The following POLG variants were observed in gnomAD, a reference collection of about 807,000 sequenced individuals.
The protein encoded by POLG is DNA polymerase gamma, catalytic subunit.
In POLG, 110 loss-of-function variants were observed where a neutral mutation model predicts 155.4. That is an observed-to-expected ratio of 0.71 (90% CI 0.61 to 0.83). POLG has a LOEUF of 0.83. POLG is among the 40% of genes least tolerant of loss of function. POLG has a pLI of 0.00. For synonymous variants in POLG, 701 were observed against 631.5 expected, an observed-to-expected ratio of 1.11 and a Z score of -1.65; for missense variants, 1,685 against 1,627.5, an observed-to-expected ratio of 1.04 and a Z score of -0.61.
At chr15:89,333,979 C>T in intron 1 of POLG, 66 bp from the exon 2 acceptor site, 1 of 595,718 alleles carries the variant, frequency 1.7e-6, no homozygotes, top group Non-Finnish European at 3.0e-6. Context: ...CCATAATCAT[C>T]ATTCCTTGAG....
chr15:89,317,613 A>C, intron 21 of POLG, 77 bp from the exon 22 acceptor site: 2 of 1,418,964 alleles, frequency 1.4e-6, no homozygotes, highest in Non-Finnish European at 2.0e-6. Context: ...CAATGACCCC[A>C]CACCCCTTAG....
Position 89,333,630 on chromosome 15 carries a change from C to CT in POLG, c.124_125insA (p.Arg42GlnfsTer202). On this transcript the variant is annotated frameshift_variant, in exon 2 of 23. Coordinates refer to ENST00000268124, the MANE Select transcript of POLG (RefSeq NM_002693.3). LOFTEE classifies it high-confidence loss of function. ...CTGCTGCTGCTGCTGCTGCTGCTGC[C>CT]GCCGCCGCTGCCCGTCGCTGGGGTC... The CT allele has an allele frequency of 7.0e-7, 1 of 1,423,728 alleles. No individual in the cohort carries two copies. The highest frequency in any genetic ancestry group is 1.2e-5 in the South Asian group (1 of 84,748). 88.2% of individuals were successfully genotyped at this position (1,423,728 alleles called of 1,614,324 possible). A position where few individuals can be genotyped will look rare whatever the true frequency, so the allele number is the denominator to read the frequency against.
intron 18 of POLG, 48 bp from the exon 19 acceptor site, chr15:89,319,398 C>G (rs2055361145): frequency 6.2e-7 from 1 of 1,608,968 alleles, no homozygotes; most frequent in Admixed American, 1.7e-5. Context: ...CTTCCTGTGC[C>G]ACGCTAGTGC....
rs1375424186 is a variant in POLG, at chr15:89,322,039, C to T, written c.2427-24G>A. The T allele has an allele frequency of 1.9e-6, 3 of 1,612,130 alleles. No individual in the cohort carries two copies. In the African/African-American group the frequency reaches 4.0e-5, roughly 22 times the overall value. On this transcript the variant is annotated intron_variant, in intron 14 of 22. Transcript: ENST00000268124. Reference sequence around the variant, plus strand: ...AGCTGTGGGGACAGACAACGTGAGGCTCAGCACAGCCATGGGAAGCAGAAT... The same window carrying T: ...AGCTGTGGGGACAGACAACGTGAGGTTCAGCACAGCCATGGGAAGCAGAAT...
At chr15:89,322,160 G>T in intron 14 of POLG, 145 bp from the exon 15 acceptor site, 1 of 805,392 alleles carries the variant, frequency 1.2e-6, no homozygotes, top group Non-Finnish European at 2.2e-6. Flanking sequence ...GTGAGCCCTG[G>T]CTCAGCCAAG....
intron 10 of POLG, among the ~76,000 whole-genome samples, 185 bp downstream of exon 10, chr15:89,325,265 A>G (rs1395221898): frequency 7.8e-5 from 9 of 114,826 alleles, no homozygotes; most frequent in Non-Finnish European, 1.4e-4. Flanking sequence ...AGAGTGAGTG[A>G]GTGAGTGAGA....
intron 2 of POLG, among the ~76,000 whole-genome samples, chr15:89,332,712 A>G (rs1198220247): frequency 1.3e-5 from 2 of 152,124 alleles, no homozygotes; most frequent in East Asian, 3.9e-4. Flanking sequence ...CTACCGCCCA[A>G]AATAATTAAT....
intron 21 of POLG, 55 bp downstream of exon 21, chr15:89,318,486 C>A: frequency 6.7e-7 from 1 of 1,500,218 alleles, no homozygotes; most frequent in South Asian, 1.1e-5. Flanking sequence ...GAACGCTCAC[C>A]CAAAGCCCCA....
At chr15:89,319,198 C>T (rs370295383) in intron 19 of POLG, 30 bp downstream of exon 19, 2 of 1,614,092 alleles carry the variant, frequency 1.2e-6, no homozygotes, top group Non-Finnish European at 1.7e-6. Context: ...AGACCCCTCC[C>T]TCCATCCTTA....
intron 21 of POLG, 78 bp from the exon 22 acceptor site, chr15:89,317,614 C>T (rs936951904): frequency 7.1e-7 from 1 of 1,406,954 alleles, no homozygotes. Flanking sequence ...AATGACCCCA[C>T]ACCCCTTAGA....
Position 89,321,253 on chromosome 15 carries a change from C to T in POLG, c.2606G>A (p.Arg869Gln), listed in dbSNP as rs1356604153. The change falls in exon 17 of 23, where the codon CGA becomes CAA. Residue 869 changes from arginine (R) to glutamine (Q), a missense_variant. Coordinates refer to ENST00000268124, the MANE Select transcript of POLG (RefSeq NM_002693.3). Reference protein sequence around the residue: ...WLTASNARPDRVGSELKAMVQ... With the variant: ...WLTASNARPDQVGSELKAMVQ... ...CATGGCTTTCAACTCACTGCCTACT[C>T]GGTCAGGCTGTGGGAAGAGTGAGAT... is the stretch of plus-strand genomic sequence containing the variant. 4 of 1,614,090 alleles carry T rather than the reference C, an allele frequency of 2.5e-6. No homozygotes were observed. Among genetic ancestry groups the T allele is most frequent in the East Asian group, 2.2e-5 (1 of 44,878 alleles).
chr15:89,319,277 A>C lies in POLG; in HGVS notation c.3055T>G (p.Trp1019Gly), dbSNP rs775906376. Residue 1019 changes from tryptophan (W) to glycine (G), a missense_variant, in exon 19 of 23, where the codon TGG becomes GGG. Transcript: ENST00000268124. ...NLPVDRTEGG[W>G]ISLQDLRKVQ... is the part of the protein sequence containing the mutation. Reference sequence around the variant, plus strand: ...TTGCGCAGATCCTGCAGGGAAATCCAGCCACCCTCAGTCCTGTCCACTGGG... The same window carrying C: ...TTGCGCAGATCCTGCAGGGAAATCCCGCCACCCTCAGTCCTGTCCACTGGG... 6.2e-7 allele frequency: 1 copy of C among 1,614,178 alleles called. No individual in the cohort carries two copies. The highest frequency in any genetic ancestry group is 8.5e-7 in the Non-Finnish European group (1 of 1,180,018).
In POLG at chr15:89,322,066, T is replaced by C. The variant is rs754290763; in HGVS notation, c.2427-51A>G. The C allele has an allele frequency of 2.6e-6, 4 of 1,550,934 alleles. No individual in the cohort carries two copies. In the South Asian group the frequency reaches 4.5e-5, roughly 17 times the overall value. ...CAGCACAGCCATGGGAAGCAGAATC[T>C]ATCCCACATCCCACCATGGCCCTCA... On this transcript the variant is annotated intron_variant, in intron 14 of 22. Transcript: ENST00000268124.
intron 9 of POLG, 84 bp from the exon 10 acceptor site, chr15:89,325,770 C>T (rs1001918091): frequency 9.2e-7 from 1 of 1,091,268 alleles, no homozygotes. Context: ...AATGTCCCCA[C>T]CCACCCTCCA....
chr15:89,325,428 C>G, intron 10 of POLG, 22 bp downstream of exon 10: 1 of 1,538,214 alleles, frequency 6.5e-7, no homozygotes, highest in Non-Finnish European at 8.9e-7. Flanking sequence ...CAGCCCCTTC[C>G]TCCCCTGGGC....
At chr15:89,332,922 C>G (rs1446975093) in intron 2 of POLG, among the ~76,000 whole-genome samples, 174 bp downstream of exon 2, 2 of 152,218 alleles carry the variant, frequency 1.3e-5, no homozygotes, top group African/African-American at 4.8e-5. Flanking sequence ...TGCCTGTGAT[C>G]TTCCCACCAG....
rs889214852 is a variant in POLG at position 89,323,703 on chromosome 15, C to A, written c.2157+112G>T. 3.0e-6 allele frequency: 3 copies of A among 989,458 alleles called. No individual in the cohort carries two copies. The African/African-American group carries it at 4.8e-5, about 16-fold the overall frequency. 61.3% of individuals were successfully genotyped at this position (989,458 alleles called of 1,614,324 possible). ...GGGCCTCCCAGGGGCAGGGTGGCAT[C>A]TCCAACCCCCTTAAGACCTAGGGAA... On this transcript the variant is annotated intron_variant, in intron 12 of 22. Transcript: ENST00000268124.
At position 89,333,426 on chromosome 15, in the gene POLG, T is replaced by G; in HGVS notation, c.329A>C (p.His110Pro). 6.2e-7 allele frequency: 1 copy of G among 1,608,342 alleles called. No homozygotes were observed. Among genetic ancestry groups the G allele is most frequent in the East Asian group, 2.2e-5 (1 of 44,860 alleles). ...CACGGCTGGCTGCCCCCAGAGCCCG[T>G]GCTTCTGCAGGTGCTCGACGCTGCG... is the stretch of plus-strand genomic sequence containing the variant. ...VRRSVEHLQK[H>P]GLWGQPAVPL... Residue 110 changes from histidine (H) to proline (P), a missense_variant, in exon 2 of 23, where the codon CAC becomes CCC. By Grantham distance (77) the His-to-Pro change is moderately conservative. Coordinates refer to ENST00000268124, the MANE Select transcript of POLG (RefSeq NM_002693.3).
At chr15:89,327,087 A>AG in intron 7 of POLG, 24 bp from the exon 8 acceptor site, 1 of 1,614,240 alleles carries the variant, frequency 6.2e-7, no homozygotes, top group Non-Finnish European at 8.5e-7. Flanking sequence ...CCACTAGGGC[A>AG]GGGCTAAGGC....
Sources: allele counts gnomAD v4.1 joint callset (sites outside exome capture counted in the v4.1 genomes callset), GRCh38; gene constraint gnomAD v4.1.1; transcripts MANE v1.5; gene names NCBI Gene and HGNC (gene_info 2026-07-23, HGNC 2026-07-21).